Variants in KCNQ1 observed in about 807,000 individuals in gnomAD.
KCNQ1 encodes the protein potassium voltage-gated channel subfamily Q member 1, also known as potassium voltage-gated channel subfamily KQT member 1.
In KCNQ1, 49 loss-of-function variants were observed where a neutral mutation model predicts 72.4. The observed-to-expected ratio is 0.68, with a 90% CI of 0.54 to 0.86. KCNQ1 has a LOEUF of 0.86. KCNQ1 is among the 40% of genes least tolerant of loss of function. The pLI is 0.00. For missense variants in KCNQ1, 790 were observed against 945.1 expected (o/e 0.84, Z 2.15); for synonymous variants, 450 against 412.6 (o/e 1.09, Z -1.10).
chr11:2,699,770 AGCCCCGAGGAGAACCGCGCCGAGGGGC>A (rs1236500606), intron 11 of KCNQ1: 7 of 370,138 alleles, frequency 1.9e-5, no homozygotes, highest in Admixed American at 1.5e-4. Context: ...CGCGCTGAGG[AGCCCCGAGGAGAACCGCGCCGAGGGGC>A]GCGCCGGGGA....
At chr11:2,452,889 GC>G (rs1202989245) in intron 1 of KCNQ1, among the ~76,000 whole-genome samples, 1 of 152,152 alleles carries the variant, frequency 6.6e-6, no homozygotes, top group African/African-American at 2.4e-5. Flanking sequence ...TGGGTGGGTG[GC>G]CATGTGGAAA....
At position 2,543,394 on chromosome 11, in the gene KCNQ1, C is replaced by T. The variant is rs1281963695; in HGVS notation, c.477+15376C>T. On this transcript the variant is annotated intron_variant, in intron 2 of 15. Transcript: ENST00000155840. This position sits in a 1 kb window ranked among gnomAD's most constrained non-coding sequence, Gnocchi z 5.6. ...GCTCCGAGGATCCTCCCACCTCAGCCTCCCAAGTAGCTGGGACTATAGGCA... is the reference window on the plus strand; with the variant it reads ...GCTCCGAGGATCCTCCCACCTCAGCTTCCCAAGTAGCTGGGACTATAGGCA... Among the ~76,000 whole-genome samples the T allele has an allele frequency of 1.3e-5, 2 of 152,128 alleles. No individual in the cohort carries two copies. Among genetic ancestry groups the T allele is most frequent in the African/African-American group, 4.8e-5 (2 of 41,414 alleles).
chr11:2,758,926 AG>A (rs942141210), intron 11 of KCNQ1, among the ~76,000 whole-genome samples: 1 of 152,134 alleles, frequency 6.6e-6, no homozygotes, highest in Non-Finnish European at 1.5e-5. Flanking sequence ...GGAGACGCAG[AG>A]GGGGTCTTTC....
In KCNQ1 at chr11:2,565,034, C is replaced by T. The variant is rs1447624496; in HGVS notation, c.478-5594C>T. Among the ~76,000 whole-genome samples, 2 of 152,198 alleles carry T rather than the reference C, an allele frequency of 1.3e-5. No individual in the cohort carries two copies. The highest frequency in any genetic ancestry group is 2.9e-5 in the Non-Finnish European group (2 of 68,050). On this transcript the variant is annotated intron_variant, in intron 2 of 15. Transcript: ENST00000155840. This position sits in a 1 kb window ranked among gnomAD's most constrained non-coding sequence, Gnocchi z 5.6. ...CCCTTTTTGGCTGTTGTGAATGTTG[C>T]TGCTGTGGACATGGGTGTGTATGGA...
chr11:2,608,003 C>T lies in KCNQ1; in HGVS notation c.1393+19149C>T, dbSNP rs1212439564. ...AATTCTATTTACAACATCAAGAAAGCATAAAGCACAATAGCGTGGATTTAC... is the reference window on the plus strand; with the variant it reads ...AATTCTATTTACAACATCAAGAAAGTATAAAGCACAATAGCGTGGATTTAC... On this transcript the variant is annotated intron_variant, in intron 10 of 15. Coordinates refer to ENST00000155840, the MANE Select transcript of KCNQ1 (RefSeq NM_000218.3). This position sits in a 1 kb window ranked among gnomAD's most constrained non-coding sequence, Gnocchi z 4.6. Among the ~76,000 whole-genome samples, 2 of 152,126 alleles carry T rather than the reference C, an allele frequency of 1.3e-5. No homozygotes were observed. The highest frequency in any genetic ancestry group is 4.8e-5 in the African/African-American group (2 of 41,432).
rs11023340 is a variant in KCNQ1, at chr11:2,572,994, G to A, written c.921+8G>A. On this transcript the variant is annotated splice_region_variant and intron_variant, in intron 6 of 15. Transcript: ENST00000155840. ...GCGCTGTGGTGGGGGGTGGTAAGTCGGAAACTTCCAGGCATGGGGACAGGG... is the reference window on the plus strand; with the variant it reads ...GCGCTGTGGTGGGGGGTGGTAAGTCAGAAACTTCCAGGCATGGGGACAGGG... 18 of 1,612,044 alleles carry A rather than the reference G, an allele frequency of 1.1e-5. No individual in the cohort carries two copies. Among genetic ancestry groups the A allele is most frequent in the South Asian group, 3.3e-5 (3 of 91,026 alleles).
intron 15 of KCNQ1, among the ~76,000 whole-genome samples, chr11:2,843,435 G>T (rs1480496611): frequency 6.6e-6 from 1 of 152,250 alleles, no homozygotes; most frequent in Non-Finnish European, 1.5e-5. Flanking sequence ...CCTACAGAGG[G>T]CCCTGGGGAG....
intron 11 of KCNQ1, chr11:2,692,074 C>A: frequency 2.5e-6 from 1 of 398,794 alleles, no homozygotes; most frequent in Non-Finnish European, 4.4e-6. Flanking sequence ...GACCCACATT[C>A]CAGTCACCTG....
chr11:2,614,084 G>A (rs2133794388), intron 10 of KCNQ1: 2 of 398,494 alleles, frequency 5.0e-6, no homozygotes, highest in Admixed American at 4.4e-5. Flanking sequence ...ATGTGTAGGT[G>A]GTTTCTAGAT....
At chr11:2,506,472 T>G (rs555084441) in intron 1 of KCNQ1, among the ~76,000 whole-genome samples, 2 of 152,354 alleles carry the variant, frequency 1.3e-5, no homozygotes, top group East Asian at 3.9e-4. Flanking sequence ...GCATTTAGGT[T>G]GTTCTGATAT....
intron 11 of KCNQ1, among the ~76,000 whole-genome samples, chr11:2,714,952 C>CG (rs1564868767): frequency 6.6e-6 from 1 of 150,542 alleles, no homozygotes; most frequent in South Asian, 2.1e-4. Context: ...GGCACAAAGC[C>CG]AGGGGGGAGC....
intron 10 of KCNQ1, chr11:2,629,046 T>A (rs1849309001): frequency 2.5e-6 from 1 of 398,332 alleles, no homozygotes; most frequent in Non-Finnish European, 4.4e-6. Context: ...TTTGTTCTTA[T>A]TGCTCAAGTA....
rs1432974745 is a variant in KCNQ1 at position 2,479,889 on chromosome 11, C to T, written c.386+34405C>T. On this transcript the variant is annotated intron_variant, in intron 1 of 15. Coordinates refer to ENST00000155840, the MANE Select transcript of KCNQ1 (RefSeq NM_000218.3). This position sits in a 1 kb window ranked among gnomAD's most constrained non-coding sequence, Gnocchi z 4.6. ...CAACACCCAAGTCACCTCTTGAAAG[C>T]TTTGCAGCTTAGAAATTTCTTCCAC... Among the ~76,000 whole-genome samples, 1 of 152,192 alleles carries T rather than the reference C, an allele frequency of 6.6e-6. No homozygotes were observed. Among genetic ancestry groups the T allele is most frequent in the Non-Finnish European group, 1.5e-5 (1 of 68,036 alleles).
intron 1 of KCNQ1, among the ~76,000 whole-genome samples, chr11:2,519,291 C>T (rs950723555): frequency 3.9e-5 from 6 of 152,236 alleles, no homozygotes; most frequent in Non-Finnish European, 7.3e-5. Flanking sequence ...TCGGGTGATG[C>T]CCTGTGGGCT....
rs1012741858 is a variant in KCNQ1 at position 2,493,176 on chromosome 11, C to T, written c.387-34752C>T. On this transcript the variant is annotated intron_variant, in intron 1 of 15. Coordinates refer to ENST00000155840, the MANE Select transcript of KCNQ1 (RefSeq NM_000218.3). The surrounding 1 kb of genome is among the most constrained non-coding windows in gnomAD (Gnocchi z 5.3). ...TGTCTTCTTTTGAGAAGTATCTGTT[C>T]GTATCCTTTACCCACTTTTTGATGG... Among the ~76,000 whole-genome samples the T allele has an allele frequency of 6.6e-6, 1 of 152,082 alleles. No individual in the cohort carries two copies. The highest frequency in any genetic ancestry group is 2.4e-5 in the African/African-American group (1 of 41,412).
In KCNQ1 at chr11:2,483,859, A is replaced by G. The variant is rs1846692139; in HGVS notation, c.386+38375A>G. ...ACCATTTTCCGCTTCATAATTAGTA[A>G]ACACCTTGAGGAAGCTACATTGAGA... On this transcript the variant is annotated intron_variant, in intron 1 of 15. Coordinates refer to ENST00000155840, the MANE Select transcript of KCNQ1 (RefSeq NM_000218.3). This position sits in a 1 kb window ranked among gnomAD's most constrained non-coding sequence, Gnocchi z 6.1. 6.6e-6 allele frequency among the ~76,000 whole-genome samples: 1 copy of G among 152,030 alleles called. No homozygotes were observed. Among genetic ancestry groups the G allele is most frequent in the Non-Finnish European group, 1.5e-5 (1 of 68,032 alleles).
chr11:2,628,342 G>A (rs1849293287), intron 10 of KCNQ1: 2 of 398,514 alleles, frequency 5.0e-6, no homozygotes, highest in Non-Finnish European at 8.8e-6. Flanking sequence ...ACAGTTATGA[G>A]GTGATATCTC....
At position 2,766,953 on chromosome 11, in the gene KCNQ1, C is replaced by T. The variant is rs1185212869; in HGVS notation, c.1515-1891C>T. Reference sequence around the variant, plus strand: ...CAGCACTTTTGGAGGCCAAGGCGGACAGATCATGAGGTCAAGAGATCAACA... The same window carrying T: ...CAGCACTTTTGGAGGCCAAGGCGGATAGATCATGAGGTCAAGAGATCAACA... On this transcript the variant is annotated intron_variant, in intron 11 of 15. Coordinates refer to ENST00000155840, the MANE Select transcript of KCNQ1 (RefSeq NM_000218.3). The surrounding 1 kb of genome is among the most constrained non-coding windows in gnomAD (Gnocchi z 4.4). Among the ~76,000 whole-genome samples the T allele has an allele frequency of 6.6e-6, 1 of 151,208 alleles. No homozygotes were observed. Among genetic ancestry groups the T allele is most frequent in the Non-Finnish European group, 1.5e-5 (1 of 67,790 alleles).
chr11:2,799,878 C>T (rs1033321540), intron 15 of KCNQ1, among the ~76,000 whole-genome samples: 7 of 152,142 alleles, frequency 4.6e-5, no homozygotes, highest in African/African-American at 1.7e-4. Flanking sequence ...GTTTTCGGTG[C>T]CTGCCCTCCT....
Sources: gnomAD v4.1 joint callset for allele counts (sites outside exome capture counted in the v4.1 genomes callset) on GRCh38, gnomAD v4.1.1 for gene constraint, Gnocchi (gnomAD v3.1) non-coding constraint, MANE v1.5 for transcripts, NCBI Gene and HGNC (gene_info 2026-07-23, HGNC 2026-07-21) for gene names.